Variants in OSBPL8 observed in about 807,000 individuals in gnomAD.
OSBPL8 encodes the protein oxysterol binding protein like 8, also known as oxysterol-binding protein-related protein 8.
OSBPL8 carries 59 observed loss-of-function variants against 125.5 expected under a neutral mutation model. That is an observed-to-expected ratio of 0.47 (90% CI 0.38 to 0.58). The LOEUF (loss-of-function observed/expected upper bound fraction) is 0.58, where lower values mean the gene tolerates loss of function less well. OSBPL8 is among the 20% of genes least tolerant of loss of function. OSBPL8 has a pLI of 0.00. For missense variants in OSBPL8, 758 were observed against 1,047.8 expected, an observed-to-expected ratio of 0.72 and a Z score of 3.82; for synonymous variants, 330 against 338.9, an observed-to-expected ratio of 0.97 and a Z score of 0.29.
intron 1 of OSBPL8, among the ~76,000 whole-genome samples, chr12:76,496,369 AAT>A (rs1491575518): frequency 1.5e-5 from 2 of 129,114 alleles, no homozygotes; most frequent in African/African-American, 6.4e-5. Context: ...AATGCTGTGT[AAT>A]TTTTTTTTTT....
At chr12:76,389,587 T>C (rs1953470532) in intron 12 of OSBPL8, 58 bp downstream of exon 12, 1 of 1,305,090 alleles carries the variant, frequency 7.7e-7, no homozygotes, top group African/African-American at 1.5e-5. Context: ...AATAGCATTC[T>C]TGAGAATTTC....
chr12:76,538,433 C>G (rs951910498), intron 1 of OSBPL8, among the ~76,000 whole-genome samples: 1 of 152,050 alleles, frequency 6.6e-6, no homozygotes, highest in African/African-American at 2.4e-5. Context: ...CTGTCACTAA[C>G]TTTTGTTTTT....
At position 76,355,843 on chromosome 12, in the gene OSBPL8, G is replaced by A. The variant is rs775839526; in HGVS notation, c.*46C>T. On this transcript the variant is annotated 3_prime_UTR_variant, in exon 24 of 24. Coordinates refer to ENST00000261183, the MANE Select transcript of OSBPL8 (RefSeq NM_020841.5). ...AAACCAACTTGAACACTGGTCCCAG[G>A]CCAAATCAGATCTTTCTAGTTCACT... is the stretch of plus-strand genomic sequence containing the variant. 33 of 1,589,606 alleles carry A rather than the reference G, an allele frequency of 2.1e-5. No individual in the cohort carries two copies. Among genetic ancestry groups the A allele is most frequent in the Non-Finnish European group, 2.8e-5 (33 of 1,168,084 alleles).
intron 1 of OSBPL8, among the ~76,000 whole-genome samples, chr12:76,515,937 T>G (rs1476710453): frequency 6.6e-6 from 1 of 152,198 alleles, no homozygotes; most frequent in Non-Finnish European, 1.5e-5. Context: ...AGAAATATAC[T>G]TCTAAATAAC....
At position 76,399,866 on chromosome 12, in the gene OSBPL8, C is replaced by T; in HGVS notation, c.468+7G>A. ...CAATCTGAATTCATGATTCAAAACACACTGACCTTTAACCAATCAGCCATA... is the reference window on the plus strand; with the variant it reads ...CAATCTGAATTCATGATTCAAAACATACTGACCTTTAACCAATCAGCCATA... On this transcript the variant is annotated splice_region_variant and intron_variant, in intron 7 of 23. Transcript: ENST00000261183. 3.2e-6 allele frequency: 5 copies of T among 1,584,922 alleles called. No homozygotes were observed. Among genetic ancestry groups the T allele is most frequent in the Non-Finnish European group, 4.3e-6 (5 of 1,170,000 alleles).
chr12:76,482,408 G>A (rs964390985), intron 2 of OSBPL8, among the ~76,000 whole-genome samples: 1 of 152,198 alleles, frequency 6.6e-6, no homozygotes, highest in African/African-American at 2.4e-5. Flanking sequence ...GAGGTCGGGA[G>A]TTCGAGACCA....
chr12:76,369,623 T>C lies in OSBPL8; in HGVS notation c.2240+14A>G. ...TAATACATTGTTTGAAATAAACTAT[T>C]TTAAGTTACTTACTCTGCAAACTTG... On this transcript the variant is annotated intron_variant, in intron 20 of 23. Coordinates refer to ENST00000261183, the MANE Select transcript of OSBPL8 (RefSeq NM_020841.5). The C allele has an allele frequency of 6.2e-7, 1 of 1,606,302 alleles. No individual in the cohort carries two copies. The highest frequency in any genetic ancestry group is 8.5e-7 in the Non-Finnish European group (1 of 1,173,824).
chr12:76,408,602 G>A (rs1379602657), intron 5 of OSBPL8, among the ~76,000 whole-genome samples: 1 of 152,022 alleles, frequency 6.6e-6, no homozygotes, highest in Non-Finnish European at 1.5e-5. Flanking sequence ...CTAAATGACA[G>A]ATGTCCTATA....
At chr12:76,487,148 G>C (rs1230260998) in intron 2 of OSBPL8, among the ~76,000 whole-genome samples, 2 of 148,462 alleles carry the variant, frequency 1.3e-5, no homozygotes, top group Non-Finnish European at 3.0e-5. Flanking sequence ...TCGTGCCTCA[G>C]CCTCCCAAGT....
In OSBPL8 at chr12:76,355,239, T is replaced by C. The variant is rs1951939941; in HGVS notation, c.*650A>G. 6.6e-6 allele frequency: 1 copy of C among 152,502 alleles called. No individual in the cohort carries two copies. Among genetic ancestry groups the C allele is most frequent in the South Asian group, 2.1e-4 (1 of 4,828 alleles). 9.4% of individuals were successfully genotyped at this position (152,502 alleles called of 1,614,324 possible). A position where few individuals can be genotyped will look rare whatever the true frequency, so the allele number is the denominator to read the frequency against. On this transcript the variant is annotated 3_prime_UTR_variant, in exon 24 of 24. Coordinates refer to ENST00000261183, the MANE Select transcript of OSBPL8 (RefSeq NM_020841.5). ...ATATATATTTACCTGCATCTACAAATATTAAATTCTAGGGGTTAAAAAAAA... is the reference window on the plus strand; with the variant it reads ...ATATATATTTACCTGCATCTACAAACATTAAATTCTAGGGGTTAAAAAAAA...
chr12:76,498,175 C>A (rs1879476957), intron 1 of OSBPL8, among the ~76,000 whole-genome samples: 1 of 152,122 alleles, frequency 6.6e-6, no homozygotes, highest in Non-Finnish European at 1.5e-5. Context: ...GAGGCCCAGG[C>A]GGGCGGATCA....
At position 76,375,442 on chromosome 12, in the gene OSBPL8, G is replaced by A. The variant is rs142228670; in HGVS notation, c.1730-72C>T. The stretch of plus-strand genomic sequence containing the variant: ...TATATGGCTCACGATAAACAGTTTA[G>A]TAATCTAATCTTTTAGGAGAAACAT... On this transcript the variant is annotated intron_variant, in intron 16 of 23. Transcript: ENST00000261183. 3.0e-4 allele frequency: 287 copies of A among 956,684 alleles called. 2 individuals carry two copies. In the African/African-American group the frequency reaches 3.9e-3, roughly 13 times the overall value. The allele number at this position is 956,684 out of a possible 1,614,324, so 59.3% of individuals were successfully genotyped here.
chr12:76,367,949 G>A (rs1181754326), intron 21 of OSBPL8, among the ~76,000 whole-genome samples: 1 of 152,106 alleles, frequency 6.6e-6, no homozygotes, highest in African/African-American at 2.4e-5. Context: ...TTTAAGTCCT[G>A]CAGGAAATAA....
Position 76,365,845 on chromosome 12 carries a change from T to C in OSBPL8, c.2328+3369A>G, listed in dbSNP as rs562428170. 5.1e-4 allele frequency among the ~76,000 whole-genome samples: 77 copies of C among 152,350 alleles called. 1 individual carries two copies. In the South Asian group the frequency reaches 0.015, roughly 30 times the overall value. On this transcript the variant is annotated intron_variant, in intron 21 of 23. Transcript: ENST00000261183. The stretch of plus-strand genomic sequence containing the variant: ...TTGTCAAATGCCTTTTCTATGCCAA[T>C]TGAAATGACCATGTGATTTTCCCCC...
At chr12:76,540,072 T>C (rs1001998064) in intron 1 of OSBPL8, among the ~76,000 whole-genome samples, 26 of 152,174 alleles carry the variant, frequency 1.7e-4, no homozygotes, top group African/African-American at 6.0e-4. Context: ...CCCCCGATCA[T>C]TGTGTTTTTA....
At chr12:76,529,978 A>T (rs1265341125) in intron 1 of OSBPL8, among the ~76,000 whole-genome samples, 3 of 152,184 alleles carry the variant, frequency 2.0e-5, no homozygotes, top group African/African-American at 7.2e-5. Context: ...TAACATGCTG[A>T]TTGCTCATTC....
intron 4 of OSBPL8, among the ~76,000 whole-genome samples, chr12:76,431,681 TAATTC>T (rs1274768461): frequency 1.3e-5 from 2 of 152,288 alleles, no homozygotes; most frequent in Non-Finnish European, 1.5e-5. Context: ...ATAAAATGGC[TAATTC>T]AATAGGAAGA....
chr12:76,434,706 C>T (rs966900623), intron 4 of OSBPL8, among the ~76,000 whole-genome samples: 1 of 152,014 alleles, frequency 6.6e-6, no homozygotes, highest in Non-Finnish European at 1.5e-5. Flanking sequence ...GAGCAAGAGA[C>T]CTGAACAGGC....
chr12:76,465,635 T>A (rs930713064), intron 2 of OSBPL8, among the ~76,000 whole-genome samples: 5 of 152,078 alleles, frequency 3.3e-5, no homozygotes, highest in Non-Finnish European at 5.9e-5. Context: ...TTTACAGTAA[T>A]CTAAAGAAGT....
Sources: gnomAD v4.1 joint callset for allele counts (sites outside exome capture counted in the v4.1 genomes callset) on GRCh38, gnomAD v4.1.1 for gene constraint, MANE v1.5 for transcripts, NCBI Gene and HGNC (gene_info 2026-07-23, HGNC 2026-07-21) for gene names.